MRC2: variants seen among roughly 807,000 people sequenced by gnomAD.
MRC2 encodes mannose receptor C-type 2.
Under a neutral mutation model 206.2 loss-of-function variants are expected in MRC2, and 84 were observed. The observed-to-expected ratio is 0.41, with a 90% CI of 0.34 to 0.49. The LOEUF is 0.49. Among genes scored for constraint, MRC2 ranks in the 20% least tolerant of loss-of-function variants. The pLI is 0.31. For missense variants in MRC2, 1,676 were observed against 2,001.5 expected, an observed-to-expected ratio of 0.84 and a Z score of 3.10; for synonymous variants, 798 against 800.0, an observed-to-expected ratio of 1.00 and a Z score of 0.04.
intron 1 of MRC2, among the ~76,000 whole-genome samples, chr17:62,656,656 C>T (rs1275135245): frequency 6.6e-6 from 1 of 152,198 alleles, no homozygotes; most frequent in African/African-American, 2.4e-5. Flanking sequence ...GCAGCCGACC[C>T]AAGAGGCTGG....
chr17:62,686,107 A>G (rs1304279097), intron 20 of MRC2, among the ~76,000 whole-genome samples: 1 of 152,150 alleles, frequency 6.6e-6, no homozygotes, highest in Non-Finnish European at 1.5e-5. Flanking sequence ...TCTCATAAGG[A>G]GCACGCAACC....
At chr17:62,638,500 G>C (rs1412701140) in intron 1 of MRC2, among the ~76,000 whole-genome samples, 2 of 152,172 alleles carry the variant, frequency 1.3e-5, no homozygotes, top group Non-Finnish European at 2.9e-5. Context: ...AGCCCTTTGG[G>C]AGGCCAAGGT....
At position 62,627,770 on chromosome 17, in the gene MRC2, G is replaced by A; in HGVS notation, c.-33G>A. Reference sequence around the variant, plus strand: ...CAGCGCGTTGCGCCTGTGCGCCCTCGGTCCCCGCGTCCACTGAGCGCCGCG... The same window carrying A: ...CAGCGCGTTGCGCCTGTGCGCCCTCAGTCCCCGCGTCCACTGAGCGCCGCG... On this transcript the variant is annotated 5_prime_UTR_variant, in exon 1 of 30. Coordinates refer to ENST00000303375, the MANE Select transcript of MRC2 (RefSeq NM_006039.5). The A allele has an allele frequency of 7.3e-7, 1 of 1,370,638 alleles. No homozygotes were observed. Among genetic ancestry groups the A allele is most frequent in the South Asian group, 1.7e-5 (1 of 59,230 alleles). The allele number at this position is 1,370,638 out of a possible 1,614,324, so 84.9% of individuals were successfully genotyped here.
intron 2 of MRC2, among the ~76,000 whole-genome samples, chr17:62,665,495 T>C (rs1434333266): frequency 6.6e-6 from 1 of 151,740 alleles, no homozygotes; most frequent in African/African-American, 2.4e-5. Context: ...GCAAAATACA[T>C]GCTTGTAAAG....
chr17:62,672,665 G>A lies in MRC2; in HGVS notation c.1461+513G>A, dbSNP rs542249311. ...TGGTGTAAGTGAAGGAATTGATGGAGGGCTTCAAGCAGAGATGAAAGACCC... is the reference window on the plus strand; with the variant it reads ...TGGTGTAAGTGAAGGAATTGATGGAAGGCTTCAAGCAGAGATGAAAGACCC... On this transcript the variant is annotated intron_variant, in intron 8 of 29. Coordinates refer to ENST00000303375, the MANE Select transcript of MRC2 (RefSeq NM_006039.5). The surrounding 1 kb of genome is among the most constrained non-coding windows in gnomAD (Gnocchi z 4.5). Among the ~76,000 whole-genome samples the A allele has an allele frequency of 6.4e-4, 98 of 152,248 alleles. No individual in the cohort carries two copies. Among genetic ancestry groups the A allele is most frequent in the African/African-American group, 2.3e-3 (96 of 41,542 alleles).
chr17:62,680,355 C>T lies in MRC2; in HGVS notation c.2437+47C>T, dbSNP rs1431861282. ...GGACGCGGGATGGAGCGAAGGGTGG[C>T]GGGGCCAGGAATTCCAGGGAGGGTC... On this transcript the variant is annotated intron_variant, in intron 15 of 29. Transcript: ENST00000303375. This position sits in a 1 kb window ranked among gnomAD's most constrained non-coding sequence, Gnocchi z 4.8. 1.9e-6 allele frequency: 3 copies of T among 1,613,366 alleles called. No homozygotes were observed. Among genetic ancestry groups the T allele is most frequent in the Admixed American group, 1.7e-5 (1 of 59,982 alleles).
intron 1 of MRC2, among the ~76,000 whole-genome samples, chr17:62,640,017 C>CTTTTTTTTTT (rs56703312): frequency 0.041 from 3,056 of 74,090 alleles, no homozygotes; most frequent in East Asian, 0.054. Context: ...CCATGCCCAG[C>CTTTTTTTTTT]TTTTTTTTTT....
At position 62,678,609 on chromosome 17, in the gene MRC2, G is replaced by C; in HGVS notation, c.2158G>C (p.Glu720Gln). The change falls in exon 13 of 30, where the codon GAG (glutamate) becomes CAG (glutamine). Residue 720 changes from glutamate to glutamine, a missense_variant. Glu to Gln is a conservative substitution (Grantham distance 29). Transcript: ENST00000303375. ...QLLSLASYEE[E>Q]HFVANMLNKI... ...GCTGAGCCTGGCCAGCTACGAGGAG[G>C]AGCACTTTGTGGCCAACATGCTCAA... 6.2e-7 allele frequency: 1 copy of C among 1,611,890 alleles called. No individual in the cohort carries two copies. Among genetic ancestry groups the C allele is most frequent in the Non-Finnish European group, 8.5e-7 (1 of 1,179,300 alleles).
chr17:62,638,192 G>A (rs1348856634), intron 1 of MRC2, among the ~76,000 whole-genome samples: 10 of 151,042 alleles, frequency 6.6e-5, no homozygotes, highest in Admixed American at 6.6e-4. Context: ...AATATTTGTT[G>A]AAAATGAGAA....
At chr17:62,662,249 C>CAA (rs36108581) in intron 1 of MRC2, among the ~76,000 whole-genome samples, 87 of 119,192 alleles carry the variant, frequency 7.3e-4, no homozygotes, top group African/African-American at 1.7e-3. Flanking sequence ...GACTCTGTCT[C>CAA]AAAAAAAAAA....
chr17:62,692,166 G>A lies in MRC2; in HGVS notation c.4219+28G>A. The A allele has an allele frequency of 4.3e-6, 7 of 1,614,180 alleles. No individual in the cohort carries two copies. The highest frequency in any genetic ancestry group is 5.9e-6 in the Non-Finnish European group (7 of 1,180,052). On this transcript the variant is annotated intron_variant, in intron 29 of 29. Coordinates refer to ENST00000303375, the MANE Select transcript of MRC2 (RefSeq NM_006039.5). This position sits in a 1 kb window ranked among gnomAD's most constrained non-coding sequence, Gnocchi z 4.2. ...GAGTGAAAGGCAATGCCCCCAGGTG[G>A]GCAGGCAGGAAGCACTGCTGGGCCT...
chr17:62,657,071 T>G (rs1219156294), intron 1 of MRC2, among the ~76,000 whole-genome samples: 2 of 152,186 alleles, frequency 1.3e-5, no homozygotes, highest in Non-Finnish European at 2.9e-5. Context: ...GACACTGTCA[T>G]CAGCTCAAGA....
chr17:62,681,139 C>A lies in MRC2; in HGVS notation c.2702+10C>A. ...GCGATGGGCGCTTCAGGTAGGAACC[C>A]AGGCAGGCAGCAGATGTGGAAGGGG... On this transcript the variant is annotated intron_variant, in intron 18 of 29. Coordinates refer to ENST00000303375, the MANE Select transcript of MRC2 (RefSeq NM_006039.5). 1.9e-6 allele frequency: 3 copies of A among 1,612,918 alleles called. No individual in the cohort carries two copies. The highest frequency in any genetic ancestry group is 2.5e-6 in the Non-Finnish European group (3 of 1,179,688).
chr17:62,680,335 C>T lies in MRC2; in HGVS notation c.2437+27C>T, dbSNP rs747816923. Reference sequence around the variant, plus strand: ...TTGGCCGGAGTGGCGCTGGGGGACGCGGGATGGAGCGAAGGGTGGCGGGGC... The same window carrying T: ...TTGGCCGGAGTGGCGCTGGGGGACGTGGGATGGAGCGAAGGGTGGCGGGGC... On this transcript the variant is annotated intron_variant, in intron 15 of 29. Transcript: ENST00000303375. The surrounding 1 kb of genome is among the most constrained non-coding windows in gnomAD (Gnocchi z 4.8). 3 of 1,613,358 alleles carry T rather than the reference C, an allele frequency of 1.9e-6. No individual in the cohort carries two copies. The South Asian group carries it at 3.3e-5, about 18-fold the overall frequency.
chr17:62,689,783 C>T (rs752413905), intron 24 of MRC2, 23 bp downstream of exon 24: 2 of 1,533,524 alleles, frequency 1.3e-6, no homozygotes, highest in Admixed American at 2.0e-5. Flanking sequence ...CACTTTTGCC[C>T]TGGGCCCCAG....
chr17:62,680,748 G>A lies in MRC2; in HGVS notation c.2474-52G>A. ...CCTGCCGCGCCCGCCTCCGGGGCCT[G>A]GCGTGCAGCCTCTGCCTGGCCGCCG... is the stretch of plus-strand genomic sequence containing the variant. On this transcript the variant is annotated intron_variant, in intron 16 of 29. Transcript: ENST00000303375. The surrounding 1 kb of genome is among the most constrained non-coding windows in gnomAD (Gnocchi z 4.8). The A allele has an allele frequency of 4.8e-6, 7 of 1,469,292 alleles. No individual in the cohort carries two copies. Among genetic ancestry groups the A allele is most frequent in the Non-Finnish European group, 5.4e-6 (6 of 1,114,282 alleles). 91.0% of individuals were successfully genotyped at this position (1,469,292 alleles called of 1,614,324 possible).
chr17:62,664,479 C>T lies in MRC2; in HGVS notation c.119-69C>T. 6.6e-6 allele frequency: 10 copies of T among 1,519,238 alleles called. No individual in the cohort carries two copies. The highest frequency in any genetic ancestry group is 1.9e-5 in the Admixed American group (1 of 52,540). 94.1% of individuals were successfully genotyped at this position (1,519,238 alleles called of 1,614,324 possible). ...TGGGCACATGGTAGGTGCCTGTCAG[C>T]CACACCGGTCATCAAGGGCCAACCA... On this transcript the variant is annotated intron_variant, in intron 1 of 29. Transcript: ENST00000303375. This position sits in a 1 kb window ranked among gnomAD's most constrained non-coding sequence, Gnocchi z 4.7.
At chr17:62,641,524 A>G (rs1199551348) in intron 1 of MRC2, among the ~76,000 whole-genome samples, 1 of 152,152 alleles carries the variant, frequency 6.6e-6, no homozygotes, top group Admixed American at 6.6e-5. Flanking sequence ...ATTACCCCAT[A>G]AAAATTTAAC....
chr17:62,643,334 A>AG (rs1260824295), intron 1 of MRC2, among the ~76,000 whole-genome samples: 1 of 128,428 alleles, frequency 7.8e-6, no homozygotes, highest in East Asian at 3.0e-4. Flanking sequence ...CGTCAAAAAA[A>AG]AAAAAAAAAA....
Sources: allele counts gnomAD v4.1 joint callset (sites outside exome capture counted in the v4.1 genomes callset), GRCh38; gene constraint gnomAD v4.1.1; non-coding constraint Gnocchi (gnomAD v3.1); transcripts MANE v1.5; gene names NCBI Gene and HGNC (gene_info 2026-07-23, HGNC 2026-07-21).